Variants in MBD5 observed in about 807,000 individuals in gnomAD.
MBD5 encodes the protein methyl-CpG-binding domain protein 5.
Under a neutral mutation model 117.3 loss-of-function variants are expected in MBD5, and 13 were observed. The observed-to-expected ratio is 0.11, with a 90% CI of 0.07 to 0.18. The LOEUF (loss-of-function observed/expected upper bound fraction) is 0.18, where lower values mean the gene tolerates loss of function less well. Among genes scored for constraint, MBD5 ranks in the 10% least tolerant of loss-of-function variants. MBD5 has a pLI of 1.00. For synonymous variants in MBD5, 727 were observed against 766.4 expected (o/e 0.95, Z 0.85); for missense variants, 1,879 against 2,093.8 (o/e 0.90, Z 2.00).
chr2:148,289,725 T>C (rs1470883164), intron 3 of MBD5, among the ~76,000 whole-genome samples: 1 of 152,190 alleles, frequency 6.6e-6, no homozygotes, highest in Non-Finnish European at 1.5e-5. Flanking sequence ...TGTGATGTTA[T>C]TATACATAAT....
At chr2:148,119,868 A>G (rs1427656113) in intron 1 of MBD5, among the ~76,000 whole-genome samples, 2 of 150,638 alleles carry the variant, frequency 1.3e-5, no homozygotes, top group Non-Finnish European at 2.9e-5. Flanking sequence ...ACCCTATGCC[A>G]GTACCATCTT....
At chr2:148,152,408 A>C (rs1054231651) in intron 1 of MBD5, among the ~76,000 whole-genome samples, 1 of 152,088 alleles carries the variant, frequency 6.6e-6, no homozygotes, top group African/African-American at 2.4e-5. Context: ...AAAAAAGTGT[A>C]TATTCTGTTG....
At chr2:148,413,929 C>T (rs1438693211) in intron 4 of MBD5, among the ~76,000 whole-genome samples, 1 of 145,042 alleles carries the variant, frequency 6.9e-6, no homozygotes, top group East Asian at 2.0e-4. Context: ...AAAAAGCCAC[C>T]TTTGGATTTG....
intron 1 of MBD5, among the ~76,000 whole-genome samples, chr2:148,021,940 G>A (rs1573920883): frequency 6.6e-6 from 1 of 152,198 alleles, no homozygotes; most frequent in East Asian, 1.9e-4. Flanking sequence ...ATCTGATTGT[G>A]TCTTGCTCCA....
chr2:148,026,451 C>A (rs1012935378), intron 1 of MBD5: 1 of 152,104 alleles, frequency 6.6e-6, no homozygotes, highest in South Asian at 2.1e-4. Context: ...TAATGTCAGT[C>A]TTTTCTTTGT....
chr2:148,271,753 A>G (rs1026170517), intron 3 of MBD5, among the ~76,000 whole-genome samples: 5 of 151,690 alleles, frequency 3.3e-5, no homozygotes, highest in African/African-American at 7.2e-5. Flanking sequence ...GCTAGTTAGC[A>G]TATGCATTAC....
intron 4 of MBD5, among the ~76,000 whole-genome samples, chr2:148,428,737 A>G (rs1705889084): frequency 6.6e-6 from 1 of 152,226 alleles, no homozygotes; most frequent in African/African-American, 2.4e-5. Flanking sequence ...AAAAACAAGC[A>G]ATGGTGAAAG....
At chr2:148,191,273 G>C (rs1465146729) in intron 2 of MBD5, among the ~76,000 whole-genome samples, 1 of 21,672 alleles carries the variant, frequency 4.6e-5, no homozygotes, top group East Asian at 1.5e-3. Flanking sequence ...GACATCTACA[G>C]AACTCTCCAC....
chr2:148,386,009 TA>T (rs919752414), intron 4 of MBD5, among the ~76,000 whole-genome samples: 33 of 149,594 alleles, frequency 2.2e-4, no homozygotes, highest in African/African-American at 7.4e-4. Context: ...TACCTAATGC[TA>T]AATGAGGAGT....
chr2:148,202,735 G>A (rs183868242), intron 2 of MBD5, among the ~76,000 whole-genome samples: 1 of 152,056 alleles, frequency 6.6e-6, no homozygotes, highest in African/African-American at 2.4e-5. Flanking sequence ...TGTTTAAAAA[G>A]CAGTTCTTTA....
chr2:148,351,399 A>G (rs1234850130), intron 4 of MBD5, among the ~76,000 whole-genome samples: 1 of 151,990 alleles, frequency 6.6e-6, no homozygotes, highest in Non-Finnish European at 1.5e-5. Flanking sequence ...TACTTAATAT[A>G]ATAATTTTAA....
chr2:148,241,433 C>T (rs959415686), intron 3 of MBD5, among the ~76,000 whole-genome samples: 1 of 152,124 alleles, frequency 6.6e-6, no homozygotes, highest in African/African-American at 2.4e-5. Context: ...AACTCTTTGT[C>T]TCATGTAATG....
At chr2:148,282,069 A>C (rs911918919) in intron 3 of MBD5, among the ~76,000 whole-genome samples, 2 of 151,884 alleles carry the variant, frequency 1.3e-5, no homozygotes. Context: ...TTTTTTCTTT[A>C]CTATATCTCT....
At chr2:148,480,942 G>T (rs1574473820) in intron 8 of MBD5, among the ~76,000 whole-genome samples, 1 of 152,076 alleles carries the variant, frequency 6.6e-6, no homozygotes, top group Non-Finnish European at 1.5e-5. Context: ...GTTCTGTAAA[G>T]TGTGTTGGAT....
At chr2:148,362,335 C>T (rs1171089115) in intron 4 of MBD5, among the ~76,000 whole-genome samples, 2 of 152,078 alleles carry the variant, frequency 1.3e-5, no homozygotes, top group Non-Finnish European at 1.5e-5. Flanking sequence ...CTTCAGTAGG[C>T]GATTTTCCCC....
chr2:148,038,691 A>G (rs1386874514), intron 1 of MBD5, among the ~76,000 whole-genome samples: 2 of 151,964 alleles, frequency 1.3e-5, no homozygotes, highest in Non-Finnish European at 2.9e-5. Context: ...TAGAAAGCAT[A>G]TCCCATCAAT....
chr2:148,151,690 A>G (rs1697672856), intron 1 of MBD5, among the ~76,000 whole-genome samples: 1 of 152,078 alleles, frequency 6.6e-6, no homozygotes, highest in Non-Finnish European at 1.5e-5. Context: ...GTGTTGAGGA[A>G]TTTATCCATT....
chr2:148,055,418 C>CTTTTTTTTTTTTTT, intron 1 of MBD5: 1 of 140,918 alleles, frequency 7.1e-6, no homozygotes, highest in Non-Finnish European at 1.5e-5. Flanking sequence ...ATAGGTTTTT[C>CTTTTTTTTTTTTTT]TTTTTTTTTT....
At chr2:148,299,652 G>GTGTTT (rs947116792) in intron 3 of MBD5, among the ~76,000 whole-genome samples, 11 of 152,082 alleles carry the variant, frequency 7.2e-5, no homozygotes, top group African/African-American at 2.7e-4. Context: ...ATTTCCTGGG[G>GTGTTT]TGTTTTGTTT....
Sources: allele counts gnomAD v4.1 joint callset (sites outside exome capture counted in the v4.1 genomes callset), GRCh38; gene constraint gnomAD v4.1.1; transcripts MANE v1.5; gene names NCBI Gene and HGNC (gene_info 2026-07-23, HGNC 2026-07-21).